The following ANK3 variants were observed in gnomAD, a reference collection of about 807,000 sequenced individuals.
The protein encoded by ANK3 is ankyrin-3.
A neutral mutation model predicts 370.9 loss-of-function variants in ANK3; 57 were observed. The ratio of observed to expected loss-of-function variants is 0.15; its 90% confidence interval spans 0.12 to 0.19. ANK3 has a LOEUF of 0.19. ANK3 is among the 10% of genes least tolerant of loss of function. The pLI, the probability that ANK3 is intolerant of heterozygous loss-of-function variation, is 1.00. For synonymous variants in ANK3, 1,929 were observed against 1,946.3 expected, an observed-to-expected ratio of 0.99 and a Z score of 0.23; for missense variants, 4,439 against 5,302.1, an observed-to-expected ratio of 0.84 and a Z score of 5.06.
At chr10:60,670,897 A>G (rs2079057433) in intron 1 of ANK3, among the ~76,000 whole-genome samples, 2 of 152,126 alleles carry the variant, frequency 1.3e-5, no homozygotes, top group African/African-American at 4.8e-5. Flanking sequence ...GCTGTTTTAC[A>G]TTTTCCTTCT....
At chr10:60,671,711 T>C (rs2079066032) in intron 1 of ANK3, among the ~76,000 whole-genome samples, 1 of 152,196 alleles carries the variant, frequency 6.6e-6, no homozygotes, top group South Asian at 2.1e-4. Flanking sequence ...AGTTATAAGA[T>C]ATTGCAATCT....
intron 1 of ANK3, among the ~76,000 whole-genome samples, chr10:60,330,320 G>T (rs1447527389): frequency 6.6e-6 from 1 of 152,178 alleles, no homozygotes; most frequent in African/African-American, 2.4e-5. Context: ...CACAGCAAAA[G>T]AAACTATCAA....
chr10:60,510,097 G>C (rs1242216523), intron 2 of ANK3, among the ~76,000 whole-genome samples: 2 of 151,852 alleles, frequency 1.3e-5, no homozygotes, highest in African/African-American at 4.8e-5. Context: ...AGTGGAAGTA[G>C]TCCTTCATCT....
At chr10:60,680,158 A>G (rs888857338) in intron 1 of ANK3, among the ~76,000 whole-genome samples, 11 of 151,470 alleles carry the variant, frequency 7.3e-5, no homozygotes, top group Admixed American at 6.6e-4. Flanking sequence ...AAAGGAAAGA[A>G]AGAAAGAATA....
chr10:60,144,036 G>A (rs2132226779), intron 23 of ANK3, among the ~76,000 whole-genome samples: 1 of 152,320 alleles, frequency 6.6e-6, no homozygotes, highest in East Asian at 1.9e-4. Context: ...CCTAGCTGAG[G>A]TGTCAGACCT....
At chr10:60,084,539 A>G in intron 32 of ANK3, 63 bp downstream of exon 32, 1 of 1,395,450 alleles carries the variant, frequency 7.2e-7, no homozygotes, top group Non-Finnish European at 1.0e-6. Context: ...TATTAAGACC[A>G]CAAAATAAAA....
At chr10:60,705,824 C>CTT (rs11294932) in intron 1 of ANK3, among the ~76,000 whole-genome samples, 2 of 94,504 alleles carry the variant, frequency 2.1e-5, no homozygotes, top group Non-Finnish European at 4.2e-5. Flanking sequence ...TTTTTTCTTT[C>CTT]TTTTTTTTTT....
At chr10:60,253,047 T>C (rs891456265) in intron 7 of ANK3, among the ~76,000 whole-genome samples, 1 of 152,218 alleles carries the variant, frequency 6.6e-6, no homozygotes, top group Non-Finnish European at 1.5e-5. Context: ...ATGATTAGGC[T>C]GAAACATAAA....
chr10:60,389,309 C>G, intron 1 of ANK3, 116 bp downstream of exon 1: 2 of 971,020 alleles, frequency 2.1e-6, no homozygotes, highest in African/African-American at 3.3e-5. Context: ...TTTACACACC[C>G]AATTTACACT....
intron 1 of ANK3, among the ~76,000 whole-genome samples, chr10:60,310,621 C>A (rs977820662): frequency 3.3e-5 from 5 of 152,142 alleles, no homozygotes; most frequent in Non-Finnish European, 7.3e-5. Flanking sequence ...ATCAATGTGA[C>A]GGTGCATTAA....
rs7100422 is a variant in ANK3, at chr10:60,313,904, T to A, written c.115-34265A>T. Among the ~76,000 whole-genome samples the A allele has an allele frequency of 7.7e-3, 1,167 of 151,512 alleles. 18 individuals carry two copies. The highest frequency in any genetic ancestry group is 0.027 in the African/African-American group (1,119 of 41,328). On this transcript the variant is annotated intron_variant, in intron 1 of 43. Coordinates refer to ENST00000280772, the MANE Select transcript of ANK3 (RefSeq NM_020987.5). Reference sequence around the variant, plus strand: ...TCCAGCCTGCATCACCCATTACCCTTGTCCCTGCCTCTGTTTTGTTTTTGT... The same window carrying A: ...TCCAGCCTGCATCACCCATTACCCTAGTCCCTGCCTCTGTTTTGTTTTTGT...
At position 60,099,519 on chromosome 10, in the gene ANK3, G is replaced by GGGAC. The variant is rs2090792175; in HGVS notation, c.3328+6382_3328+6385dup. 2.0e-5 allele frequency among the ~76,000 whole-genome samples: 3 copies of GGGAC among 152,118 alleles called. No individual in the cohort carries two copies. The South Asian group carries it at 6.2e-4, about 32-fold the overall frequency. ...GGGCTTCCTGGAGGAAGAGAAGTAGGGGACGTCTGGCCACACTGGAATAAT... is the reference window on the plus strand; with the variant it reads ...GGGCTTCCTGGAGGAAGAGAAGTAGGGGACGGACGTCTGGCCACACTGGAATAAT... On this transcript the variant is annotated intron_variant, in intron 28 of 43. Coordinates refer to ENST00000280772, the MANE Select transcript of ANK3 (RefSeq NM_020987.5).
chr10:60,117,674 TG>T (rs1237042649), intron 25 of ANK3, among the ~76,000 whole-genome samples: 7 of 151,920 alleles, frequency 4.6e-5, no homozygotes, highest in African/African-American at 1.7e-4. Context: ...AAAAATTAGC[TG>T]GGCGTGGTGG....
intron 35 of ANK3, 139 bp downstream of exon 35, chr10:60,082,011 T>G: frequency 1.8e-6 from 1 of 562,740 alleles, no homozygotes; most frequent in East Asian, 3.0e-5. Flanking sequence ...TTAAGAAAAA[T>G]ATATACCCTT....
intron 5 of ANK3, among the ~76,000 whole-genome samples, 169 bp from the exon 6 acceptor site, chr10:60,264,189 A>C (rs2132650222): frequency 6.6e-6 from 1 of 152,274 alleles, no homozygotes; most frequent in Non-Finnish European, 1.5e-5. Context: ...TTCAAAAAAA[A>C]TTTATCTATA....
chr10:60,263,784 G>A, intron 6 of ANK3, 51 bp downstream of exon 6: 1 of 1,604,484 alleles, frequency 6.2e-7, no homozygotes, highest in Non-Finnish European at 8.5e-7. Context: ...TAAAGGTTGT[G>A]TGTCTAACAC....
chr10:60,602,693 A>C (rs10160182), intron 2 of ANK3, among the ~76,000 whole-genome samples: 108,358 of 151,866 alleles, frequency 0.71, 38,738 homozygotes, highest in South Asian at 0.89. Flanking sequence ...TCACTGAAAT[A>C]TAGCATTTCC....
At chr10:60,729,940 T>A (rs1027346566) in intron 1 of ANK3, among the ~76,000 whole-genome samples, 1 of 152,212 alleles carries the variant, frequency 6.6e-6, no homozygotes, top group African/African-American at 2.4e-5. Flanking sequence ...AACAGGAATC[T>A]GATCAACTCC....
At chr10:60,423,806 T>TA in intron 2 of ANK3, among the ~76,000 whole-genome samples, 1 of 152,078 alleles carries the variant, frequency 6.6e-6, no homozygotes, top group Non-Finnish European at 1.5e-5. Context: ...CTTTATACAC[T>TA]GATCTAAATT....
Sources: allele counts gnomAD v4.1 joint callset (sites outside exome capture counted in the v4.1 genomes callset), GRCh38; gene constraint gnomAD v4.1.1; transcripts MANE v1.5; gene names NCBI Gene and HGNC (gene_info 2026-07-23, HGNC 2026-07-21).